The following DOCK4 variants were observed in gnomAD, a reference collection of about 807,000 sequenced individuals.
DOCK4 encodes dedicator of cytokinesis 4.
DOCK4 carries 97 observed loss-of-function variants against 268.1 expected under a neutral mutation model. The observed-to-expected ratio is 0.36, with a 90% CI of 0.31 to 0.43. The LOEUF (loss-of-function observed/expected upper bound fraction) is 0.43, where lower values mean the gene tolerates loss of function less well. DOCK4 is among the 20% of genes least tolerant of loss of function. The probability of loss-of-function intolerance (pLI) is 1.00; values close to 1 mark genes in which losing one functional copy is unlikely to be tolerated. For synonymous variants in DOCK4, 954 were observed against 887.2 expected, an observed-to-expected ratio of 1.08 and a Z score of -1.34; for missense variants, 2,145 against 2,455.7, an observed-to-expected ratio of 0.87 and a Z score of 2.67.
intron 1 of DOCK4, among the ~76,000 whole-genome samples, chr7:112,047,105 C>A (rs1804892733): frequency 6.6e-6 from 1 of 152,176 alleles, no homozygotes; most frequent in Non-Finnish European, 1.5e-5. Context: ...ATTAGTCAGA[C>A]TAGAAAACCT....
At chr7:112,167,100 A>G (rs911642567) in intron 1 of DOCK4, among the ~76,000 whole-genome samples, 6 of 152,168 alleles carry the variant, frequency 3.9e-5, no homozygotes, top group Non-Finnish European at 5.9e-5. Flanking sequence ...AGTGGAGAAA[A>G]TTCCATTCAG....
At chr7:111,810,963 C>G (rs2133908459) in intron 28 of DOCK4, among the ~76,000 whole-genome samples, 1 of 152,290 alleles carries the variant, frequency 6.6e-6, no homozygotes, top group East Asian at 1.9e-4. Flanking sequence ...GACTGCGTCA[C>G]TGCATTCCAG....
rs1180128393 is a variant in DOCK4 at position 112,131,655 on chromosome 7, T to A, written c.37+74447A>T. Reference sequence around the variant, plus strand: ...ATACATTATTTATTCACTTTTTTTGTTACAACATATTTATCAGGTGCCTAT... The same window carrying A: ...ATACATTATTTATTCACTTTTTTTGATACAACATATTTATCAGGTGCCTAT... On this transcript the variant is annotated intron_variant, in intron 1 of 52. Coordinates refer to ENST00000428084, the MANE Select transcript of DOCK4 (RefSeq NM_001363540.2). Among the ~76,000 whole-genome samples, 3 of 152,164 alleles carry A rather than the reference T, an allele frequency of 2.0e-5. No homozygotes were observed. In the East Asian group the frequency reaches 5.8e-4, roughly 29 times the overall value.
At chr7:111,743,002 A>AAAAAAAG (rs1319260906) in intron 44 of DOCK4, among the ~76,000 whole-genome samples, 62 of 152,258 alleles carry the variant, frequency 4.1e-4, no homozygotes, top group African/African-American at 1.4e-3. Context: ...CAAAAAGAAA[A>AAAAAAAG]AAAAAAGAAA....
At chr7:111,949,761 T>C (rs1468443320) in intron 8 of DOCK4, among the ~76,000 whole-genome samples, 2 of 152,234 alleles carry the variant, frequency 1.3e-5, no homozygotes, top group African/African-American at 4.8e-5. Context: ...ATACAGCCAC[T>C]AATCACTCAG....
chr7:112,168,043 C>G (rs1158153953), intron 1 of DOCK4, among the ~76,000 whole-genome samples: 1 of 150,172 alleles, frequency 6.7e-6, no homozygotes, highest in Admixed American at 6.6e-5. Context: ...CCACATGTCA[C>G]AATTTCTGGC....
At chr7:111,988,528 A>G (rs1296805012) in intron 6 of DOCK4, among the ~76,000 whole-genome samples, 1 of 152,218 alleles carries the variant, frequency 6.6e-6, no homozygotes, top group East Asian at 1.9e-4. Context: ...ATGTGTATGT[A>G]CAGGACTAAT....
Position 111,940,123 on chromosome 7 carries a change from G to C in DOCK4, c.964C>G (p.Leu322Val). Residue 322 changes from leucine to valine, a missense_variant, in exon 11 of 53, where the codon CTG (leucine) becomes GTG (valine). This residue lies in a region of DOCK4 where 1,598 missense variants were observed against 1,986.7 expected (regional missense o/e 0.80). Coordinates refer to ENST00000428084, the MANE Select transcript of DOCK4 (RefSeq NM_001363540.2). ...CATGTTTCTTACATGTATACTTTCA[G>C]AATGAGGTCATCCTTTGTCTCTCCT... Reference protein sequence around the residue: ...LTGETKDDLILKVYMCNTESE... With the variant: ...LTGETKDDLIVKVYMCNTESE... 1 of 1,613,994 alleles carries C rather than the reference G, an allele frequency of 6.2e-7. No individual in the cohort carries two copies. Among genetic ancestry groups the C allele is most frequent in the Non-Finnish European group, 8.5e-7 (1 of 1,179,894 alleles).
chr7:111,755,475 T>C (rs1418578844), intron 42 of DOCK4, 40 bp downstream of exon 42: 5 of 1,589,856 alleles, frequency 3.1e-6, no homozygotes, highest in South Asian at 1.1e-5. Context: ...AGTGAACAAC[T>C]GTGATGAGAA....
At position 111,783,844 on chromosome 7, in the gene DOCK4, C is replaced by G. The variant is rs540042723; in HGVS notation, c.3524+13G>C. ...ATGAACTGGAGTTCAGAAAAACATG[C>G]GACTTGGCTTACCTGTAATCTAACA... On this transcript the variant is annotated intron_variant, in intron 34 of 52. Coordinates refer to ENST00000428084, the MANE Select transcript of DOCK4 (RefSeq NM_001363540.2). 1.9e-6 allele frequency: 3 copies of G among 1,586,092 alleles called. No individual in the cohort carries two copies. The highest frequency in any genetic ancestry group is 2.7e-5 in the African/African-American group (2 of 74,348).
chr7:112,033,884 A>G (rs894310852), intron 1 of DOCK4, among the ~76,000 whole-genome samples: 2 of 152,226 alleles, frequency 1.3e-5, no homozygotes, highest in African/African-American at 2.4e-5. Flanking sequence ...CGTGTGAAAT[A>G]TAGTGCTCAA....
At position 111,769,770 on chromosome 7, in the gene DOCK4, A is replaced by T; in HGVS notation, c.3680-93T>A. ...GTTTCCGACAAACTGGGGAAAAAAAATACTATTTTCTAAATTTCGTGATAT... is the reference window on the plus strand; with the variant it reads ...GTTTCCGACAAACTGGGGAAAAAAATTACTATTTTCTAAATTTCGTGATAT... On this transcript the variant is annotated intron_variant, in intron 36 of 52. Transcript: ENST00000428084. 4 of 1,433,270 alleles carry T rather than the reference A, an allele frequency of 2.8e-6. No individual in the cohort carries two copies. In the South Asian group the frequency reaches 5.5e-5, roughly 20 times the overall value. The allele number at this position is 1,433,270 out of a possible 1,614,324, so 88.8% of individuals were successfully genotyped here.
chr7:112,059,049 G>A (rs1470690173), intron 1 of DOCK4, among the ~76,000 whole-genome samples: 3 of 150,662 alleles, frequency 2.0e-5, no homozygotes, highest in East Asian at 1.9e-4. Context: ...AACCACTCGG[G>A]AAATTCAGAG....
intron 30 of DOCK4, among the ~76,000 whole-genome samples, chr7:111,795,853 G>A (rs914718396): frequency 2.0e-5 from 3 of 152,090 alleles, no homozygotes; most frequent in African/African-American, 4.8e-5. Context: ...CCTGGAAAAG[G>A]TACCCTTGAC....
At chr7:111,860,590 G>A (rs770264889) in intron 23 of DOCK4, among the ~76,000 whole-genome samples, 1 of 152,026 alleles carries the variant, frequency 6.6e-6, no homozygotes, top group Admixed American at 6.5e-5. Context: ...AGCAGACAGG[G>A]TTTCCTCTTC....
intron 1 of DOCK4, among the ~76,000 whole-genome samples, chr7:112,089,938 T>G (rs1809475040): frequency 6.6e-6 from 1 of 152,296 alleles, no homozygotes; most frequent in East Asian, 1.9e-4. Context: ...CAGTGTTAAA[T>G]GCATTCATTG....
At chr7:112,160,534 C>T (rs1817017388) in intron 1 of DOCK4, among the ~76,000 whole-genome samples, 1 of 152,142 alleles carries the variant, frequency 6.6e-6, no homozygotes, top group Admixed American at 6.5e-5. Context: ...ACCTATCAAG[C>T]TGGCCCAATC....
intron 23 of DOCK4, among the ~76,000 whole-genome samples, chr7:111,861,023 T>C (rs1454574294): frequency 6.6e-6 from 1 of 152,172 alleles, no homozygotes; most frequent in East Asian, 1.9e-4. Context: ...GTGGGAGAAA[T>C]ATGGCAGAAA....
intron 16 of DOCK4, among the ~76,000 whole-genome samples, chr7:111,877,884 G>A (rs2008619): frequency 0.18 from 28,062 of 152,064 alleles, 3,232 homozygotes; most frequent in African/African-American, 0.33. Context: ...CCAATGTAGC[G>A]ACATACAGAT....
Sources: gnomAD v4.1 joint callset for allele counts (sites outside exome capture counted in the v4.1 genomes callset) on GRCh38, gnomAD v4.1.1 for gene constraint, gnomAD v4.1.1 regional missense constraint, MANE v1.5 for transcripts, NCBI Gene and HGNC (gene_info 2026-07-23, HGNC 2026-07-21) for gene names.